Variants in DAPK2 observed in about 807,000 individuals in gnomAD.
DAPK2 encodes the protein death associated protein kinase 2.
DAPK2 carries 35 observed loss-of-function variants against 44.1 expected under a neutral mutation model. The ratio of observed to expected loss-of-function variants is 0.79; its 90% CI spans 0.61 to 1.05. DAPK2 has a LOEUF of 1.05. Ranked by LOEUF, DAPK2 falls within the 50% of genes least tolerant of loss-of-function variation. The pLI, the probability that DAPK2 is intolerant of heterozygous loss-of-function variation, is 0.00. For synonymous variants in DAPK2, 174 were observed against 182.6 expected (o/e 0.95, Z 0.38); for missense variants, 453 against 483.2 (o/e 0.94, Z 0.59).
intron 1 of DAPK2, among the ~76,000 whole-genome samples, chr15:64,023,597 C>G (rs901055599): frequency 1.4e-4 from 22 of 152,208 alleles, no homozygotes; most frequent in African/African-American, 5.3e-4. Context: ...TTTTGAAGAA[C>G]TGATGGTGGA....
At chr15:63,979,779 G>T (rs1400331982) in intron 2 of DAPK2, among the ~76,000 whole-genome samples, 2 of 152,114 alleles carry the variant, frequency 1.3e-5, no homozygotes, top group East Asian at 1.9e-4. Context: ...AGCCAGGCAT[G>T]GGGGCACATA....
intron 1 of DAPK2, among the ~76,000 whole-genome samples, chr15:63,995,318 C>T (rs780744102): frequency 6.6e-6 from 1 of 152,018 alleles, no homozygotes; most frequent in Non-Finnish European, 1.5e-5. Flanking sequence ...CCCGGCTATT[C>T]CTTTTTCTTA....
At chr15:63,956,983 A>T (rs116252805) in intron 3 of DAPK2, among the ~76,000 whole-genome samples, 1,594 of 152,350 alleles carry the variant, frequency 0.01, 28 homozygotes, top group African/African-American at 0.036. Context: ...CAACTATTAG[A>T]TGAAACGTTC....
At chr15:63,956,144 T>C (rs562627543) in intron 3 of DAPK2, among the ~76,000 whole-genome samples, 1 of 152,312 alleles carries the variant, frequency 6.6e-6, no homozygotes, top group African/African-American at 2.4e-5. Flanking sequence ...AGTTGTAATG[T>C]CTCCTTTTTC....
At chr15:64,002,950 GT>G (rs2079124125) in intron 1 of DAPK2, among the ~76,000 whole-genome samples, 1 of 134,606 alleles carries the variant, frequency 7.4e-6, no homozygotes, top group African/African-American at 2.8e-5. Flanking sequence ...GTGTGTGTGT[GT>G]GTGTGTGTGT....
intron 8 of DAPK2, among the ~76,000 whole-genome samples, chr15:63,915,295 A>G (rs1392401502): frequency 6.6e-6 from 1 of 152,076 alleles, no homozygotes; most frequent in East Asian, 1.9e-4. Context: ...TCTCCCTTGC[A>G]CCTCCAAGCT....
At chr15:63,995,295 G>A (rs1001951556) in intron 1 of DAPK2, among the ~76,000 whole-genome samples, 3 of 151,984 alleles carry the variant, frequency 2.0e-5, no homozygotes, top group Admixed American at 6.6e-5. Context: ...GACTATAGGC[G>A]CCCACCACCA....
chr15:63,939,709 C>T lies in DAPK2; in HGVS notation c.454-348G>A, dbSNP rs765669656. 3.3e-5 allele frequency among the ~76,000 whole-genome samples: 5 copies of T among 152,210 alleles called. No individual in the cohort carries two copies. The highest frequency in any genetic ancestry group is 7.3e-5 in the Non-Finnish European group (5 of 68,036). On this transcript the variant is annotated intron_variant, in intron 3 of 10. Coordinates refer to ENST00000261891, the Ensembl canonical transcript of DAPK2. This position sits in a 1 kb window ranked among gnomAD's most constrained non-coding sequence, Gnocchi z 4.3. ...TCTGTCAAATGGGGCCAATGAGATA[C>T]TTGCAGCATTTCCTGTAAACAAACC...
chr15:64,024,872 C>A (rs2079793568), intron 1 of DAPK2, among the ~76,000 whole-genome samples: 1 of 152,182 alleles, frequency 6.6e-6, no homozygotes, highest in African/African-American at 2.4e-5. Context: ...CCCTTCAAGC[C>A]CTGTGGCCAG....
chr15:63,972,038 T>A (rs1281533638), intron 2 of DAPK2, among the ~76,000 whole-genome samples: 1 of 152,222 alleles, frequency 6.6e-6, no homozygotes, highest in Non-Finnish European at 1.5e-5. Flanking sequence ...ATTAGTGCCC[T>A]TATAAAAGAG....
chr15:63,910,489 C>G (rs1008857799), intron 10 of DAPK2: 2 of 152,252 alleles, frequency 1.3e-5, no homozygotes, highest in Non-Finnish European at 2.9e-5. Flanking sequence ...TCCAGGGAAC[C>G]CCTACCAACT....
At chr15:64,019,872 T>A (rs912655674) in intron 1 of DAPK2, among the ~76,000 whole-genome samples, 6 of 152,374 alleles carry the variant, frequency 3.9e-5, no homozygotes, top group East Asian at 1.9e-4. Flanking sequence ...AACTACATCT[T>A]ATCAGAGGTT....
chr15:63,922,766 G>A, intron 8 of DAPK2: 4 of 1,532,380 alleles, frequency 2.6e-6, no homozygotes, highest in Non-Finnish European at 3.5e-6. Flanking sequence ...AAATTCCTCA[G>A]TGCATGATCT....
exon 7 of DAPK2, chr15:63,926,082 G>A: frequency 6.2e-7 from 1 of 1,610,056 alleles, no homozygotes; most frequent in Non-Finnish European, 8.5e-7. Context: ...GAAAGGGGAT[G>A]CTCCACTTAA....
In DAPK2 at chr15:63,939,405, GAAA is replaced by G. The variant is rs200347768; in HGVS notation, c.454-47_454-45del. The G allele has an allele frequency of 5.5e-5, 81 of 1,469,308 alleles. No homozygotes were observed. In the African/African-American group the frequency reaches 1.0e-3, roughly 19 times the overall value. 91.0% of individuals were successfully genotyped at this position (1,469,308 alleles called of 1,614,324 possible). A position where few individuals can be genotyped will look rare whatever the true frequency, so the allele number is the denominator to read the frequency against. The stretch of plus-strand genomic sequence containing the variant: ...AAAAAAAAAAAAGGAAGGAAGAAAA[GAAA>G]AAAAAAGACGGTAATTAAAGGCTGG... On this transcript the variant is annotated intron_variant, in intron 3 of 10. Coordinates refer to ENST00000261891, the Ensembl canonical transcript of DAPK2. This position sits in a 1 kb window ranked among gnomAD's most constrained non-coding sequence, Gnocchi z 4.3.
intron 8 of DAPK2, chr15:63,918,495 C>T (rs1437403010): frequency 6.6e-6 from 1 of 152,274 alleles, no homozygotes; most frequent in Non-Finnish European, 1.5e-5. Flanking sequence ...CACTCACTTT[C>T]CCCTCCCAAA....
intron 4 of DAPK2, among the ~76,000 whole-genome samples, chr15:63,931,582 T>A (rs1302178218): frequency 6.6e-6 from 1 of 152,128 alleles, no homozygotes; most frequent in Non-Finnish European, 1.5e-5. Flanking sequence ...CAGGAGGACA[T>A]TCCTGGGGGT....
At chr15:63,976,694 G>A (rs896397620) in intron 2 of DAPK2, among the ~76,000 whole-genome samples, 4 of 152,126 alleles carry the variant, frequency 2.6e-5, no homozygotes, top group Admixed American at 1.3e-4. Flanking sequence ...AGTGAGAATC[G>A]GTCTCAAAAA....
chr15:63,913,898 ACCAGC>A (rs1266610076), intron 8 of DAPK2, among the ~76,000 whole-genome samples: 1 of 152,174 alleles, frequency 6.6e-6, no homozygotes, highest in African/African-American at 2.4e-5. Context: ...ACCTCTCAGA[ACCAGC>A]CTTGCAGAGG....
Sources: gnomAD v4.1 joint callset for allele counts (sites outside exome capture counted in the v4.1 genomes callset) on GRCh38, gnomAD v4.1.1 for gene constraint, Gnocchi (gnomAD v3.1) non-coding constraint, MANE v1.5 for transcripts, NCBI Gene and HGNC (gene_info 2026-07-23, HGNC 2026-07-21) for gene names.